Variants in MPP2 observed in about 807,000 individuals in gnomAD.
MPP2 encodes the protein MAGUK p55 subfamily member 2.
Under a neutral mutation model 58.5 loss-of-function variants are expected in MPP2, and 42 were observed. The ratio of observed to expected loss-of-function variants is 0.72; its 90% confidence interval spans 0.56 to 0.93. The LOEUF is 0.93. Among genes scored for constraint, MPP2 ranks in the 40% least tolerant of loss-of-function variants. The pLI is 0.00. For synonymous variants in MPP2, 300 were observed against 307.8 expected (o/e 0.97, Z 0.26); for missense variants, 632 against 760.4 (o/e 0.83, Z 1.99).
intron 2 of MPP2, among the ~76,000 whole-genome samples, chr17:43,903,275 CAAA>C (rs5820512): frequency 5.8e-4 from 80 of 138,738 alleles, no homozygotes; most frequent in Non-Finnish European, 6.5e-4. Context: ...GACTCCATCT[CAAA>C]AAAAAAAAAA....
Position 43,879,236 on chromosome 17 carries a change from C to A in MPP2, c.1482+39G>T. 6.3e-7 allele frequency: 1 copy of A among 1,587,468 alleles called. No individual in the cohort carries two copies. The highest frequency in any genetic ancestry group is 8.6e-7 in the Non-Finnish European group (1 of 1,161,696). On this transcript the variant is annotated intron_variant, in intron 12 of 12. Coordinates refer to ENST00000269095, the MANE Select transcript of MPP2 (RefSeq NM_005374.5). This position sits in a 1 kb window ranked among gnomAD's most constrained non-coding sequence, Gnocchi z 4.1. Reference sequence around the variant, plus strand: ...CAGGCCTGTCCCCCACCACCCTAGGCAGCTATCAGACCCCTCCCCCACACC... The same window carrying A: ...CAGGCCTGTCCCCCACCACCCTAGGAAGCTATCAGACCCCTCCCCCACACC...
upstream of MPP2, chr17:43,907,589 G>T: frequency 1.0e-6 from 1 of 985,564 alleles, no homozygotes; most frequent in Non-Finnish European, 1.2e-6. Context: ...TCCGCGAGGG[G>T]GCGGAGGTCC....
At chr17:43,904,695 G>A (rs2048223963) in intron 1 of MPP2, among the ~76,000 whole-genome samples, 1 of 152,182 alleles carries the variant, frequency 6.6e-6, no homozygotes, top group African/African-American at 2.4e-5. Flanking sequence ...CTCTGAGGAG[G>A]AGGAGACCAG....
chr17:43,890,474 A>G (rs1255564485), intron 3 of MPP2, among the ~76,000 whole-genome samples: 1 of 152,164 alleles, frequency 6.6e-6, no homozygotes, highest in Non-Finnish European at 1.5e-5. Context: ...GCAGGCTGCA[A>G]ATGCAAACAC....
chr17:43,893,511 C>T (rs866023990), intron 3 of MPP2, among the ~76,000 whole-genome samples: 5 of 152,160 alleles, frequency 3.3e-5, no homozygotes, highest in South Asian at 2.1e-4. Flanking sequence ...GAACAGGGGT[C>T]CCCAACCCCC....
chr17:43,879,705 G>A lies in MPP2; in HGVS notation c.1353+77C>T. 5.3e-6 allele frequency: 8 copies of A among 1,520,038 alleles called. No homozygotes were observed. The highest frequency in any genetic ancestry group is 7.2e-6 in the Non-Finnish European group (8 of 1,110,880). The allele number at this position is 1,520,038 out of a possible 1,614,324, so 94.2% of individuals were successfully genotyped here. A position where few individuals can be genotyped will look rare whatever the true frequency, so the allele number is the denominator to read the frequency against. On this transcript the variant is annotated intron_variant, in intron 11 of 12. Coordinates refer to ENST00000269095, the MANE Select transcript of MPP2 (RefSeq NM_005374.5). The surrounding 1 kb of genome is among the most constrained non-coding windows in gnomAD (Gnocchi z 4.1). ...ACATGGGCGTGTTCAGGTGACAGGT[G>A]TCTGGAACTATATGGGGGAGCAATG...
In MPP2 at chr17:43,879,825, A is replaced by G; in HGVS notation, c.1310T>C (p.Val437Ala). 6.2e-7 allele frequency: 1 copy of G among 1,613,908 alleles called. No individual in the cohort carries two copies. The highest frequency in any genetic ancestry group is 8.5e-7 in the Non-Finnish European group (1 of 1,179,948). Residue 437 changes from valine to alanine, a missense_variant, in exon 11 of 13, where the codon GTG (valine) becomes GCG (alanine). By Grantham distance (64) the Val-to-Ala change is moderately conservative. Transcript: ENST00000269095. The surrounding 1 kb of genome is among the most constrained non-coding windows in gnomAD (Gnocchi z 4.1). ...YGTRIDSIRG[V>A]VAAGKVCVLD... The stretch of plus-strand genomic sequence containing the variant: ...CACGCACACCTTCCCAGCAGCGACC[A>G]CGCCCCGGATGGAGTCAATACGTGT...
chr17:43,898,459 C>T, intron 2 of MPP2, 79 bp from the exon 3 acceptor site: 4 of 943,504 alleles, frequency 4.2e-6, no homozygotes, highest in East Asian at 5.0e-5. Context: ...ATACTTGCCA[C>T]TTCCCCACCC....
At chr17:43,889,549 C>T (rs545238068) in intron 3 of MPP2, among the ~76,000 whole-genome samples, 23 of 151,194 alleles carry the variant, frequency 1.5e-4, no homozygotes, top group Admixed American at 4.6e-4. Flanking sequence ...TTAGTAGAGA[C>T]GGGGTTTCTC....
At chr17:43,892,982 TGATGGATGGATGGATG>T (rs6146066) in intron 3 of MPP2, among the ~76,000 whole-genome samples, 3,223 of 150,352 alleles carry the variant, frequency 0.021, 35 homozygotes, top group African/African-American at 0.035. Flanking sequence ...AATAGGTATT[TGATGGATGGATGGATG>T]GATGGATGGA....
At chr17:43,891,417 A>G (rs1166149534) in intron 3 of MPP2, among the ~76,000 whole-genome samples, 1 of 151,940 alleles carries the variant, frequency 6.6e-6, no homozygotes. Flanking sequence ...CGGGAGGCTG[A>G]GGCAGGAGAA....
chr17:43,898,205 C>T (rs932788449), intron 3 of MPP2, 57 bp downstream of exon 3: 5 of 1,312,258 alleles, frequency 3.8e-6, no homozygotes, highest in South Asian at 1.2e-5. Flanking sequence ...TACCCCATCC[C>T]CTACTGTGCC....
intron 3 of MPP2, among the ~76,000 whole-genome samples, chr17:43,894,348 C>T (rs182699699): frequency 1.1e-3 from 167 of 147,814 alleles, no homozygotes; most frequent in African/African-American, 3.9e-3. Context: ...ACCCAGGAGG[C>T]GGAGGTTGCA....
In MPP2 at chr17:43,880,717, G is replaced by C. The variant is rs2047070428; in HGVS notation, c.1124C>G (p.Pro375Arg). The change falls in exon 10 of 13, where the codon CCA (proline) becomes CGA (arginine). Residue 375 changes from proline to arginine, a missense_variant. Coordinates refer to ENST00000269095, the MANE Select transcript of MPP2 (RefSeq NM_005374.5). This position sits in a 1 kb window ranked among gnomAD's most constrained non-coding sequence, Gnocchi z 5.2. The part of the protein sequence containing the change: ...SLKNKLIMWD[P>R]DRYGTTVPYT... The stretch of plus-strand genomic sequence containing the variant: ...GGGCACCGTGGTGCCATAGCGATCT[G>C]GATCCCACATGATGAGCTTGTTCTT... 6.2e-7 allele frequency: 1 copy of C among 1,613,208 alleles called. No individual in the cohort carries two copies. Among genetic ancestry groups the C allele is most frequent in the East Asian group, 2.2e-5 (1 of 44,866 alleles).
At chr17:43,881,667 C>T (rs1567878881) in intron 6 of MPP2, 78 bp from the exon 7 acceptor site, 2 of 1,533,030 alleles carry the variant, frequency 1.3e-6, no homozygotes, top group African/African-American at 1.4e-5. Flanking sequence ...CATGCCCCCT[C>T]TTTTCACAGA....
rs1185316257 is a variant in MPP2, at chr17:43,879,942, C to A, written c.1193G>T (p.Gly398Val). The A allele has an allele frequency of 1.7e-5, 27 of 1,614,004 alleles. No individual in the cohort carries two copies. The highest frequency in any genetic ancestry group is 2.7e-5 in the African/African-American group (2 of 74,898). The change falls in exon 11 of 13, where the codon GGT (glycine) becomes GTT (valine). Residue 398 changes from glycine (G) to valine (V), a missense_variant. By Grantham distance (109) the Gly-to-Val change is moderately radical (BLOSUM62 -3). Coordinates refer to ENST00000269095, the MANE Select transcript of MPP2 (RefSeq NM_005374.5). This position sits in a 1 kb window ranked among gnomAD's most constrained non-coding sequence, Gnocchi z 4.1. ...RPKDSEREGQGYSFVSRGEME... is the reference protein window; with the variant it reads ...RPKDSEREGQVYSFVSRGEME... Reference sequence around the variant, plus strand: ...CTCCCCACGGGACACAAAGCTGTAACCCTGACCTTCCCGCTCTGAGTCTTT... The same window carrying A: ...CTCCCCACGGGACACAAAGCTGTAAACCTGACCTTCCCGCTCTGAGTCTTT...
intron 3 of MPP2, 101 bp from the exon 4 acceptor site, chr17:43,883,456 A>AC (rs898430504): frequency 1.1e-5 from 13 of 1,224,206 alleles, no homozygotes; most frequent in South Asian, 1.6e-5. Flanking sequence ...TCCCCATCCC[A>AC]CCCCCCAGCC....
In MPP2 at chr17:43,907,452, C is replaced by T. The variant is rs2048335817; in HGVS notation, c.-34+22G>A. On this transcript the variant is annotated intron_variant, in intron 1 of 12. Coordinates refer to ENST00000269095, the MANE Select transcript of MPP2 (RefSeq NM_005374.5). Reference sequence around the variant, plus strand: ...CGGAGGTCTTGGGATAGGAGCTGGCCCGGGGGCCGGGGGACGCCTACCTGC... The same window carrying T: ...CGGAGGTCTTGGGATAGGAGCTGGCTCGGGGGCCGGGGGACGCCTACCTGC... The T allele has an allele frequency of 3.0e-6, 3 of 985,432 alleles. No homozygotes were observed. The South Asian group carries it at 1.4e-4, about 46-fold the overall frequency. The allele number at this position is 985,432 out of a possible 1,614,324, so 61.0% of individuals were successfully genotyped here. A position where few individuals can be genotyped will look rare whatever the true frequency, so the allele number is the denominator to read the frequency against.
chr17:43,905,765 C>T (rs2048264758), intron 1 of MPP2, among the ~76,000 whole-genome samples: 1 of 152,122 alleles, frequency 6.6e-6, no homozygotes, highest in Non-Finnish European at 1.5e-5. Flanking sequence ...GGATTCTTCC[C>T]AGAGGACTAG....
Sources: gnomAD v4.1 joint callset for allele counts (sites outside exome capture counted in the v4.1 genomes callset) on GRCh38, gnomAD v4.1.1 for gene constraint, Gnocchi (gnomAD v3.1) non-coding constraint, MANE v1.5 for transcripts, NCBI Gene and HGNC (gene_info 2026-07-23, HGNC 2026-07-21) for gene names.